AKAP9: variants seen among roughly 807,000 people sequenced by gnomAD.
The protein encoded by AKAP9 is A-kinase anchoring protein 9.
AKAP9 carries 311 observed loss-of-function variants against 488.5 expected under a neutral mutation model. The observed-to-expected ratio is 0.64, with a 90% CI of 0.58 to 0.70. The LOEUF (loss-of-function observed/expected upper bound fraction) is 0.70, where lower values mean the gene tolerates loss of function less well. Among genes scored for constraint, AKAP9 ranks in the 30% least tolerant of loss-of-function variants. The pLI is 0.00. For missense variants in AKAP9, 4,215 were observed against 4,374.5 expected (o/e 0.96, Z 1.03); for synonymous variants, 1,462 against 1,483.5 (o/e 0.99, Z 0.33).
At chr7:92,028,673 TTG>T (rs1803725163) in intron 14 of AKAP9, among the ~76,000 whole-genome samples, 1 of 152,182 alleles carries the variant, frequency 6.6e-6, no homozygotes, top group South Asian at 2.1e-4. Context: ...AGTTTTACAA[TTG>T]TTATAACCCC....
Position 92,095,128 on chromosome 7 carries a change from A to G in AKAP9, c.9684A>G (p.Lys3228=), listed in dbSNP as rs754521851. ...RELQWALEKE[K]AKLGRSEERD... is the part of the protein sequence containing the mutation. The stretch of plus-strand genomic sequence containing the variant: ...TCCAGTGGGCTTTGGAGAAAGAGAA[A>G]GCCAAGTTGGGACGCAGTGAAGAAC... The change falls in exon 40 of 50, where the codon AAA becomes AAG. Residue 3228 remains lysine, a synonymous_variant. Coordinates refer to ENST00000356239, the MANE Select transcript of AKAP9 (RefSeq NM_005751.5). 2 of 1,614,210 alleles carry G rather than the reference A, an allele frequency of 1.2e-6. No individual in the cohort carries two copies. Among genetic ancestry groups the G allele is most frequent in the Non-Finnish European group, 1.7e-6 (2 of 1,180,040 alleles).
At position 92,037,447 on chromosome 7, in the gene AKAP9, T is replaced by C. The variant is rs1430973521; in HGVS notation, c.4339-972T>C. Among the ~76,000 whole-genome samples, 3 of 152,178 alleles carry C rather than the reference T, an allele frequency of 2.0e-5. No individual in the cohort carries two copies. In the East Asian group the frequency reaches 5.8e-4, roughly 29 times the overall value. ...AATGCTGCAGATCAGTAAATACAAA[T>C]ATTTCTAATCCCAGGCATACTTTAT... On this transcript the variant is annotated intron_variant, in intron 16 of 49. Coordinates refer to ENST00000356239, the MANE Select transcript of AKAP9 (RefSeq NM_005751.5).
At chr7:92,008,538 T>G (rs1800250132) in intron 8 of AKAP9, among the ~76,000 whole-genome samples, 2 of 148,466 alleles carry the variant, frequency 1.3e-5, no homozygotes, top group Admixed American at 1.4e-4. Flanking sequence ...ATACAAAAAA[T>G]CAGCTAGGCA....
intron 13 of AKAP9, 57 bp from the exon 14 acceptor site, chr7:92,022,757 A>G (rs956396638): frequency 3.0e-5 from 35 of 1,158,578 alleles, no homozygotes; most frequent in Non-Finnish European, 4.2e-5. Context: ...TGATTGTGCT[A>G]TTTCACTAAG....
At position 92,012,559 on chromosome 7, in the gene AKAP9, T is replaced by G. The variant is rs1012576562; in HGVS notation, c.3449T>G (p.Leu1150Arg). ...GCTCTTTGCAGTCTTAAAGAAGAGC[T>G]TATTTTTGCTCAAGAGGAAAAGATC... Reference protein sequence around the residue: ...DKALCSLKEELIFAQEEKIKE... With the variant: ...DKALCSLKEERIFAQEEKIKE... The change falls in exon 9 of 50, where the codon CTT becomes CGT. Residue 1150 changes from leucine to arginine, a missense_variant. By Grantham distance (102) the Leu-to-Arg change is moderately radical (BLOSUM62 -2). This residue lies in a region of AKAP9 where 2,361 missense variants were observed against 2,430.0 expected (regional missense o/e 0.97). Coordinates refer to ENST00000356239, the MANE Select transcript of AKAP9 (RefSeq NM_005751.5). 3.7e-6 allele frequency: 6 copies of G among 1,613,800 alleles called. No homozygotes were observed. The highest frequency in any genetic ancestry group is 5.1e-6 in the Non-Finnish European group (6 of 1,179,918).
chr7:92,045,839 T>TC (rs1374066360), intron 21 of AKAP9, among the ~76,000 whole-genome samples: 1 of 144,308 alleles, frequency 6.9e-6, no homozygotes, highest in African/African-American at 2.6e-5. Flanking sequence ...TCTTTTTTTT[T>TC]TTTTTTTTTT....
At chr7:91,962,954 A>G (rs189304376) in intron 1 of AKAP9, among the ~76,000 whole-genome samples, 31 of 152,316 alleles carry the variant, frequency 2.0e-4, no homozygotes, top group African/African-American at 7.0e-4. Context: ...CCAAATTTTC[A>G]CCTTTGCCCT....
At chr7:92,085,413 A>T (rs1814357149) in intron 35 of AKAP9, 82 bp from the exon 36 acceptor site, 1 of 1,353,576 alleles carries the variant, frequency 7.4e-7, no homozygotes, top group Admixed American at 1.7e-5. Flanking sequence ...ATCTTGCTTA[A>T]AATTTATTTC....
Position 92,011,309 on chromosome 7 carries a change from CAAAAT to C in AKAP9, c.3319-1116_3319-1112del, listed in dbSNP as rs1477591850. ...AATATGAAAACTTATTTATGAATAA[CAAAAT>C]AAACCCTACATAAGATGCTTTGAAC... is the stretch of plus-strand genomic sequence containing the variant. On this transcript the variant is annotated intron_variant, in intron 8 of 49. Coordinates refer to ENST00000356239, the MANE Select transcript of AKAP9 (RefSeq NM_005751.5). 2.0e-5 allele frequency among the ~76,000 whole-genome samples: 3 copies of C among 152,136 alleles called. 1 individual carries two copies. The highest frequency in any genetic ancestry group is 1.9e-4 in the East Asian group (1 of 5,180).
In AKAP9 at chr7:92,001,143, A is replaced by T; in HGVS notation, c.1226A>T (p.His409Leu). The change falls in exon 8 of 50, where the codon CAT becomes CTT. Residue 409 changes from histidine (H) to leucine (L), a missense_variant. His to Leu is a moderately conservative substitution (Grantham distance 99). Around this residue, in one of 5 missense-constraint regions of AKAP9, gnomAD observed 2,361 missense variants for 2,430.0 expected, o/e 0.97. Transcript: ENST00000356239. ...GTCGAAGAACTTCAGAAGAGAAATC[A>T]TAAAGACAGCCAGTTCGAAACTGAT... The part of the protein sequence containing the change: ...GTVEELQKRN[H>L]KDSQFETDIV... The T allele has an allele frequency of 6.2e-7, 1 of 1,614,092 alleles. No individual in the cohort carries two copies. Among genetic ancestry groups the T allele is most frequent in the Non-Finnish European group, 8.5e-7 (1 of 1,179,968 alleles).
chr7:92,103,351 A>G (rs1454628393), intron 46 of AKAP9, among the ~76,000 whole-genome samples: 1 of 133,802 alleles, frequency 7.5e-6, no homozygotes, highest in Non-Finnish European at 1.5e-5. Context: ...GATCGGCGCC[A>G]CTACACTCCA....
chr7:92,063,942 G>T (rs1810340007), intron 24 of AKAP9, among the ~76,000 whole-genome samples: 1 of 151,928 alleles, frequency 6.6e-6, no homozygotes, highest in Non-Finnish European at 1.5e-5. Context: ...CACCATGCCT[G>T]GCTAATTTTT....
In AKAP9 at chr7:92,102,755, G is replaced by A. The variant is rs778568641; in HGVS notation, c.11259G>A (p.Glu3753=). 2 of 1,614,206 alleles carry A rather than the reference G, an allele frequency of 1.2e-6. No individual in the cohort carries two copies. The highest frequency in any genetic ancestry group is 1.7e-6 in the Non-Finnish European group (2 of 1,180,050). Residue 3753 remains glutamate (E), a synonymous_variant, in exon 46 of 50, where the codon GAG becomes GAA. Coordinates refer to ENST00000356239, the MANE Select transcript of AKAP9 (RefSeq NM_005751.5). ...GGCAGCCAGCTTTCACGGATCTAGAGGTGATCACCAATCGCCCAAAGGGCT... is the reference window on the plus strand; with the variant it reads ...GGCAGCCAGCTTTCACGGATCTAGAAGTGATCACCAATCGCCCAAAGGGCT... ...MGGQPAFTDL[E]VITNRPKGFT... is the part of the protein sequence containing the mutation.
At chr7:92,028,236 T>C (rs1225744085) in intron 14 of AKAP9, among the ~76,000 whole-genome samples, 9 of 143,486 alleles carry the variant, frequency 6.3e-5, no homozygotes, top group African/African-American at 2.4e-4. Flanking sequence ...TCCACTATTA[T>C]CCTATGACCC....
At position 91,985,203 on chromosome 7, in the gene AKAP9, G is replaced by C. The variant is rs182222953; in HGVS notation, c.351+4870G>C. ...CCTTGTCTTGTGTCAGTTTTCAAAGGGAATGCTTCCAGTTTTTGCCCATTC... is the reference window on the plus strand; with the variant it reads ...CCTTGTCTTGTGTCAGTTTTCAAAGCGAATGCTTCCAGTTTTTGCCCATTC... On this transcript the variant is annotated intron_variant, in intron 3 of 49. Transcript: ENST00000356239. Among the ~76,000 whole-genome samples, 49 of 152,240 alleles carry C rather than the reference G, an allele frequency of 3.2e-4. 1 individual carries two copies. The highest frequency in any genetic ancestry group is 1.2e-3 in the African/African-American group (48 of 41,540).
intron 16 of AKAP9, among the ~76,000 whole-genome samples, chr7:92,034,297 G>C (rs1804788150): frequency 6.6e-6 from 1 of 151,938 alleles, no homozygotes; most frequent in African/African-American, 2.4e-5. Context: ...CTGGTGAGTT[G>C]GAGGACAATT....
intron 2 of AKAP9, among the ~76,000 whole-genome samples, chr7:91,975,939 T>A (rs1795627263): frequency 6.9e-6 from 1 of 144,332 alleles, no homozygotes; most frequent in Admixed American, 6.9e-5. Flanking sequence ...TTTTTTTTTT[T>A]GAGACAAAGT....
At chr7:92,077,070 A>ATTT in intron 29 of AKAP9, 63 bp downstream of exon 29, 6 of 372,902 alleles carry the variant, frequency 1.6e-5, no homozygotes, top group East Asian at 5.8e-5. Context: ...ATATTGCTTT[A>ATTT]TTATTATTAT....
In AKAP9 at chr7:91,941,165, A is replaced by G; in HGVS notation, c.48+18A>G. On this transcript the variant is annotated intron_variant, in intron 1 of 49. Coordinates refer to ENST00000356239, the MANE Select transcript of AKAP9 (RefSeq NM_005751.5). The stretch of plus-strand genomic sequence containing the variant: ...AAGCCAAGGTAGGAGAGCCCGAGGC[A>G]ACCGGGCCTGCGGTGGGAGGCGGTG... 2.5e-6 allele frequency: 4 copies of G among 1,612,872 alleles called. No homozygotes were observed. The highest frequency in any genetic ancestry group is 3.4e-6 in the Non-Finnish European group (4 of 1,178,892).
Sources: allele counts gnomAD v4.1 joint callset (sites outside exome capture counted in the v4.1 genomes callset), GRCh38; gene constraint gnomAD v4.1.1; regional missense constraint gnomAD v4.1.1; transcripts MANE v1.5; gene names NCBI Gene and HGNC (gene_info 2026-07-23, HGNC 2026-07-21).